MYT1L: variants seen among roughly 807,000 people sequenced by gnomAD.
MYT1L encodes the protein myelin transcription factor 1 like.
A neutral mutation model predicts 126.7 loss-of-function variants in MYT1L; 12 were observed. That is an observed-to-expected ratio of 0.09 (90% CI 0.06 to 0.15). The LOEUF (loss-of-function observed/expected upper bound fraction) is 0.15. Among genes scored for constraint, MYT1L ranks in the 10% least tolerant of loss-of-function variants. MYT1L has a pLI of 1.00. For missense variants in MYT1L, 979 were observed against 1,585.2 expected (o/e 0.62, Z 6.49); for synonymous variants, 541 against 604.2 (o/e 0.90, Z 1.53).
At chr2:2,164,942 C>A (rs1443653890) in intron 3 of MYT1L, among the ~76,000 whole-genome samples, 2 of 152,162 alleles carry the variant, frequency 1.3e-5, no homozygotes, top group Non-Finnish European at 2.9e-5. Flanking sequence ...ACTCAAAGTT[C>A]ACCTGCAGCT....
At chr2:2,108,676 G>A (rs938286280) in intron 3 of MYT1L, among the ~76,000 whole-genome samples, 5 of 152,226 alleles carry the variant, frequency 3.3e-5, no homozygotes, top group Non-Finnish European at 7.3e-5. Flanking sequence ...ATGTTACTGC[G>A]AAGATCACAG....
chr2:2,316,425 C>A (rs994580554), intron 1 of MYT1L, among the ~76,000 whole-genome samples: 1 of 152,162 alleles, frequency 6.6e-6, no homozygotes, highest in Non-Finnish European at 1.5e-5. Flanking sequence ...TCCTGCTTAA[C>A]CTGTGCATAC....
chr2:1,804,762 C>G (rs530682821), intron 22 of MYT1L, among the ~76,000 whole-genome samples: 1 of 152,094 alleles, frequency 6.6e-6, no homozygotes, highest in South Asian at 2.1e-4. Flanking sequence ...TGAATAGAAA[C>G]GTGAGTTCCC....
At chr2:2,317,849 C>G (rs1000554376) in intron 1 of MYT1L, among the ~76,000 whole-genome samples, 1 of 152,060 alleles carries the variant, frequency 6.6e-6, no homozygotes, top group African/African-American at 2.4e-5. Flanking sequence ...TCCTCCTGAC[C>G]GTGCCCTTAG....
At chr2:2,031,903 CA>C (rs200790835) in intron 4 of MYT1L, among the ~76,000 whole-genome samples, 19 of 125,096 alleles carry the variant, frequency 1.5e-4, no homozygotes, top group East Asian at 2.6e-4. Context: ...CTTATACACA[CA>C]CCCTCGCCAG....
intron 1 of MYT1L, among the ~76,000 whole-genome samples, chr2:2,289,282 C>A (rs972957944): frequency 2.6e-5 from 4 of 152,158 alleles, no homozygotes; most frequent in African/African-American, 7.2e-5. Flanking sequence ...AAAAAGCTTT[C>A]TTTAAATGTA....
intron 2 of MYT1L, among the ~76,000 whole-genome samples, chr2:2,273,158 C>T (rs1315398719): frequency 6.6e-6 from 1 of 152,190 alleles, no homozygotes; most frequent in African/African-American, 2.4e-5. Flanking sequence ...TCCCTGGTGA[C>T]GCTCCTCCTC....
intron 2 of MYT1L, among the ~76,000 whole-genome samples, chr2:2,274,084 T>C (rs1186424516): frequency 2.0e-5 from 3 of 152,102 alleles, no homozygotes; most frequent in African/African-American, 4.8e-5. Context: ...AAAGGCATCA[T>C]AGAGAAATTA....
At chr2:2,111,700 A>G (rs1391512377) in intron 3 of MYT1L, among the ~76,000 whole-genome samples, 1 of 152,230 alleles carries the variant, frequency 6.6e-6, no homozygotes, top group Non-Finnish European at 1.5e-5. Context: ...AGACCGGAGG[A>G]GAAACCTACT....
At chr2:2,328,611 AT>A (rs2096266093) in intron 1 of MYT1L, among the ~76,000 whole-genome samples, 1 of 152,212 alleles carries the variant, frequency 6.6e-6, no homozygotes, top group South Asian at 2.1e-4. Context: ...AGAAGTTGAA[AT>A]TTGTGTGTCA....
chr2:2,306,131 T>C (rs1255121245), intron 1 of MYT1L: 1 of 152,192 alleles, frequency 6.6e-6, no homozygotes, highest in Admixed American at 6.5e-5. Context: ...GTGCCCAGAC[T>C]CTTTTCCTCA....
At chr2:2,065,710 C>T (rs1267140206) in intron 3 of MYT1L, among the ~76,000 whole-genome samples, 1 of 152,104 alleles carries the variant, frequency 6.6e-6, no homozygotes, top group Non-Finnish European at 1.5e-5. Context: ...CCAATATGAT[C>T]ATGTGCATTT....
rs1376543290 is a variant in MYT1L, at chr2:1,943,108, C to G, written c.379G>C (p.Gly127Arg). 6.8e-7 allele frequency: 1 copy of G among 1,468,936 alleles called. No homozygotes were observed. Among genetic ancestry groups the G allele is most frequent in the Non-Finnish European group, 9.3e-7 (1 of 1,072,020 alleles). 91.0% of individuals were successfully genotyped at this position (1,468,936 alleles called of 1,614,324 possible). A position where few individuals can be genotyped will look rare whatever the true frequency, so the allele number is the denominator to read the frequency against. The change falls in exon 9 of 25, where the codon GGG (glycine) becomes CGG (arginine). Residue 127 changes from glycine (G) to arginine (R), a missense_variant. By Grantham distance (125) the Gly-to-Arg change is moderately radical. This residue lies in a region of MYT1L where 111 missense variants were observed against 115.9 expected (regional missense o/e 0.96). Coordinates refer to ENST00000647738, the MANE Select transcript of MYT1L (RefSeq NM_001303052.2). The surrounding 1 kb of genome is among the most constrained non-coding windows in gnomAD (Gnocchi z 4.4). ...PGDEDEEDEE[G>R]DREEEEEIEE... is the part of the protein sequence containing the mutation. ...ATCTCCTCCTCCTCCTCCCGGTCCCCCTCCTCGTCCTCCTCGTCCTCATCC... is the reference window on the plus strand; with the variant it reads ...ATCTCCTCCTCCTCCTCCCGGTCCCGCTCCTCGTCCTCCTCGTCCTCATCC...
intron 2 of MYT1L, among the ~76,000 whole-genome samples, chr2:2,256,388 C>A (rs1233127241): frequency 1.3e-5 from 2 of 152,210 alleles, no homozygotes; most frequent in Non-Finnish European, 2.9e-5. Context: ...TCAGGTGCCA[C>A]CTATTTTTAT....
intron 18 of MYT1L, among the ~76,000 whole-genome samples, chr2:1,880,381 A>G (rs375291801): frequency 6.6e-6 from 1 of 152,112 alleles, no homozygotes; most frequent in Non-Finnish European, 1.5e-5. Context: ...TCTGTCACAC[A>G]GGCTGGAGTG....
At chr2:1,812,024 G>C (rs973465178) in intron 21 of MYT1L, among the ~76,000 whole-genome samples, 2 of 152,248 alleles carry the variant, frequency 1.3e-5, no homozygotes, top group African/African-American at 2.4e-5. Context: ...AAAATAGGAT[G>C]CTTGGATGTT....
chr2:2,300,849 C>G (rs1221251640), intron 1 of MYT1L, among the ~76,000 whole-genome samples: 2 of 152,164 alleles, frequency 1.3e-5, no homozygotes, highest in African/African-American at 4.8e-5. Flanking sequence ...GAGCAGAGAT[C>G]AAGAAGGCTG....
intron 3 of MYT1L, among the ~76,000 whole-genome samples, chr2:2,166,329 A>T (rs1300397202): frequency 1.3e-5 from 2 of 152,124 alleles, no homozygotes; most frequent in South Asian, 4.1e-4. Context: ...CTCCACCACC[A>T]TCACTGCCAT....
At chr2:1,798,779 C>T (rs369841440) in intron 23 of MYT1L, among the ~76,000 whole-genome samples, 4 of 152,208 alleles carry the variant, frequency 2.6e-5, no homozygotes, top group Non-Finnish European at 5.9e-5. Context: ...AGGCCGAGGC[C>T]ATCAGGCAGG....
Sources: gnomAD v4.1 joint callset for allele counts (sites outside exome capture counted in the v4.1 genomes callset) on GRCh38, gnomAD v4.1.1 for gene constraint, gnomAD v4.1.1 regional missense constraint, Gnocchi (gnomAD v3.1) non-coding constraint, MANE v1.5 for transcripts, NCBI Gene and HGNC (gene_info 2026-07-23, HGNC 2026-07-21) for gene names.